NAALADL2: variants seen among roughly 807,000 people sequenced by gnomAD.
NAALADL2 encodes the protein inactive N-acetylated-alpha-linked acidic dipeptidase-like protein 2.
In NAALADL2, 76 loss-of-function variants were observed where a neutral mutation model predicts 87.2. The ratio of observed to expected loss-of-function variants is 0.87; its 90% CI spans 0.72 to 1.05. The LOEUF (loss-of-function observed/expected upper bound fraction) is 1.05, where lower values mean the gene tolerates loss of function less well. NAALADL2 is among the 50% of genes least tolerant of loss of function. The pLI is 0.00. For missense variants in NAALADL2, 1,089 were observed against 945.8 expected (o/e 1.15, Z -1.99); for synonymous variants, 354 against 331.0 (o/e 1.07, Z -0.75).
chr3:174,763,536 G>A (rs967350150), intron 3 of NAALADL2, among the ~76,000 whole-genome samples: 2 of 128,288 alleles, frequency 1.6e-5, no homozygotes, highest in East Asian at 2.2e-4. Flanking sequence ...GCAGTGAACC[G>A]AGATTGCGCC....
chr3:174,767,106 G>T (rs1445296801), intron 3 of NAALADL2, among the ~76,000 whole-genome samples: 2 of 152,184 alleles, frequency 1.3e-5, no homozygotes, highest in Non-Finnish European at 2.9e-5. Context: ...GGCCTCCTGA[G>T]AGTGAATAGG....
At chr3:175,641,855 T>G (rs1461371765) in intron 11 of NAALADL2, among the ~76,000 whole-genome samples, 4 of 152,212 alleles carry the variant, frequency 2.6e-5, no homozygotes, top group Non-Finnish European at 4.4e-5. Flanking sequence ...GCATAAAAAG[T>G]ACACTTGTTT....
chr3:174,615,092 C>T (rs1371174152), intron 2 of NAALADL2, among the ~76,000 whole-genome samples: 2 of 152,100 alleles, frequency 1.3e-5, no homozygotes, highest in Non-Finnish European at 1.5e-5. Flanking sequence ...TTCCGTAGGG[C>T]AAGGAAAATT....
At position 175,207,761 on chromosome 3, in the gene NAALADL2, G is replaced by A. The variant is rs1265134054; in HGVS notation, c.546-26170G>A. Among the ~76,000 whole-genome samples, 6 of 152,102 alleles carry A rather than the reference G, an allele frequency of 3.9e-5. No homozygotes were observed. The East Asian group carries it at 1.2e-3, about 29-fold the overall frequency. On this transcript the variant is annotated intron_variant, in intron 2 of 13. Coordinates refer to ENST00000454872, the MANE Select transcript of NAALADL2 (RefSeq NM_207015.3). ...ATCTTCCTTTTATATGATGTTTAAA[G>A]TGTTTAAACATAACCGAAAAAAAGG...
chr3:174,944,586 G>A (rs1384485727), intron 1 of NAALADL2, among the ~76,000 whole-genome samples: 1 of 152,136 alleles, frequency 6.6e-6, no homozygotes, highest in Admixed American at 6.5e-5. Flanking sequence ...CTAGGGGTAT[G>A]AGGATCTAAC....
At chr3:174,548,590 ATAAG>A (rs1450108478) in intron 1 of NAALADL2, among the ~76,000 whole-genome samples, 3 of 152,186 alleles carry the variant, frequency 2.0e-5, no homozygotes, top group African/African-American at 7.2e-5. Flanking sequence ...GCTGGTGACA[ATAAG>A]TAAGGCTAAG....
chr3:175,315,295 A>G (rs1758995933), intron 4 of NAALADL2, among the ~76,000 whole-genome samples: 1 of 152,198 alleles, frequency 6.6e-6, no homozygotes, highest in Non-Finnish European at 1.5e-5. Flanking sequence ...TTAAGCACTT[A>G]GTGATTCTTT....
chr3:174,506,413 T>G (rs1426580110), intron 1 of NAALADL2, among the ~76,000 whole-genome samples: 1 of 152,038 alleles, frequency 6.6e-6, no homozygotes, highest in Admixed American at 6.6e-5. Context: ...ACTCCTGACC[T>G]CAAATAATCC....
intron 2 of NAALADL2, among the ~76,000 whole-genome samples, chr3:174,659,803 C>T (rs1725339970): frequency 6.6e-6 from 1 of 152,132 alleles, no homozygotes; most frequent in African/African-American, 2.4e-5. Context: ...TTTTTAATAG[C>T]TCCTGCTCTT....
In NAALADL2 at chr3:174,508,114, G is replaced by GTTTTTTTTTTTTTGTTT. The variant is rs57393523; in HGVS notation, c.-183-42442_-183-42441insGTTTTTTTTTTTTTTTT. Among the ~76,000 whole-genome samples, 36 of 103,890 alleles carry GTTTTTTTTTTTTTGTTT rather than the reference G, an allele frequency of 3.5e-4. 2 individuals carry two copies. The highest frequency in any genetic ancestry group is 9.7e-4 in the Admixed American group (9 of 9,306). The allele number at this position is 103,890 out of a possible 152,430, so 68.2% of individuals were successfully genotyped here. On this transcript the variant is annotated intron_variant, in intron 1 of 3. Coordinates refer to the NAALADL2 transcript ENST00000434257. ...AATTTTAGCTATTGGATATCTAGTGGTTTTTTTTTTTTTTTTTGAGACGAA... is the reference window on the plus strand; with the variant it reads ...AATTTTAGCTATTGGATATCTAGTGGTTTTTTTTTTTTTGTTTTTTTTTTTTTTTTTTTTGAGACGAA...
At chr3:174,815,570 A>C (rs962133743) in intron 3 of NAALADL2, among the ~76,000 whole-genome samples, 6 of 152,200 alleles carry the variant, frequency 3.9e-5, no homozygotes, top group Admixed American at 1.3e-4. Context: ...CTAGGACTAC[A>C]GAAGCCTGCC....
chr3:174,471,022 G>C (rs1235961653), intron 1 of NAALADL2, among the ~76,000 whole-genome samples: 1 of 151,984 alleles, frequency 6.6e-6, no homozygotes, highest in East Asian at 1.9e-4. Context: ...CTAGAAGTAG[G>C]ATTGGTAGGT....
chr3:175,687,629 T>C (rs1736476814), intron 11 of NAALADL2, among the ~76,000 whole-genome samples: 3 of 152,178 alleles, frequency 2.0e-5, no homozygotes, highest in Admixed American at 1.3e-4. Context: ...GTATTTGTTA[T>C]AGAACTGATA....
At chr3:174,857,296 T>C (rs1560291984), upstream of NAALADL2, among the ~76,000 whole-genome samples, 1 of 152,314 alleles carries the variant, frequency 6.6e-6, no homozygotes, top group East Asian at 1.9e-4. Flanking sequence ...ACTTTATTAG[T>C]ATTGCAACTG....
chr3:175,438,408 C>T (rs10433475), intron 5 of NAALADL2, among the ~76,000 whole-genome samples: 7,366 of 151,968 alleles, frequency 0.048, 420 homozygotes, highest in East Asian at 0.14. Context: ...AATGAAAAAA[C>T]ATTTGTGCCA....
upstream of NAALADL2, among the ~76,000 whole-genome samples, chr3:174,854,834 T>C (rs1315132916): frequency 1.4e-5 from 2 of 140,304 alleles, no homozygotes; most frequent in Non-Finnish European, 3.0e-5. Flanking sequence ...TGCTTTTTTT[T>C]CTTTTTTTTT....
At chr3:174,505,200 C>A (rs983453297) in intron 1 of NAALADL2, among the ~76,000 whole-genome samples, 4 of 152,098 alleles carry the variant, frequency 2.6e-5, no homozygotes, top group African/African-American at 9.7e-5. Context: ...TCACCACTAT[C>A]TCCATAATCT....
chr3:174,540,920 G>A (rs1397212765), intron 1 of NAALADL2, among the ~76,000 whole-genome samples: 1 of 152,030 alleles, frequency 6.6e-6, no homozygotes, highest in Non-Finnish European at 1.5e-5. Flanking sequence ...TATCTTAATA[G>A]CTACTGCGCA....
chr3:174,987,592 A>AT (rs1746091146), intron 1 of NAALADL2, among the ~76,000 whole-genome samples: 7 of 142,170 alleles, frequency 4.9e-5, no homozygotes, highest in African/African-American at 1.9e-4. Flanking sequence ...AAAAAAAAAA[A>AT]AAAAAACAAT....
Sources: allele counts gnomAD v4.1 joint callset (sites outside exome capture counted in the v4.1 genomes callset), GRCh38; gene constraint gnomAD v4.1.1; transcripts MANE v1.5; gene names NCBI Gene and HGNC (gene_info 2026-07-23, HGNC 2026-07-21).